Variants in CAMKK1 observed in about 807,000 individuals in gnomAD.
The protein encoded by CAMKK1 is calcium/calmodulin dependent protein kinase kinase 1.
CAMKK1 carries 20 observed loss-of-function variants against 63.5 expected under a neutral mutation model. That is an observed-to-expected ratio of 0.32 (90% CI 0.22 to 0.46). CAMKK1 has a LOEUF of 0.46. Among genes scored for constraint, CAMKK1 ranks in the 20% least tolerant of loss-of-function variants. The pLI is 1.00. For missense variants in CAMKK1, 588 were observed against 658.1 expected, an observed-to-expected ratio of 0.89 and a Z score of 1.17; for synonymous variants, 253 against 269.0, an observed-to-expected ratio of 0.94 and a Z score of 0.58.
At chr17:3,871,311 CTTTT>C (rs1169721208) in intron 12 of CAMKK1, among the ~76,000 whole-genome samples, 5 of 95,498 alleles carry the variant, frequency 5.2e-5, no homozygotes, top group Non-Finnish European at 1.2e-4. Context: ...GTTTCATTTT[CTTTT>C]TTTGTTTGTT....
rs940893230 is a variant in CAMKK1, at chr17:3,890,482, C to T, written c.-44+2457G>A. 6.6e-6 allele frequency among the ~76,000 whole-genome samples: 1 copy of T among 152,182 alleles called. No homozygotes were observed. The highest frequency in any genetic ancestry group is 2.4e-5 in the African/African-American group (1 of 41,442). ...CTCTTTCCAGCTAGCTGCCACCTCC[C>T]CGTCCATGTTCCCGAGCAGCTCAGA... On this transcript the variant is annotated intron_variant, in intron 1 of 15. Coordinates refer to ENST00000348335, the MANE Select transcript of CAMKK1 (RefSeq NM_032294.3). This position sits in a 1 kb window ranked among gnomAD's most constrained non-coding sequence, Gnocchi z 6.5.
intron 1 of CAMKK1, among the ~76,000 whole-genome samples, chr17:3,886,903 C>T (rs1221625329): frequency 6.6e-6 from 1 of 152,130 alleles, no homozygotes; most frequent in African/African-American, 2.4e-5. Context: ...CTGGACTCTG[C>T]ATGTTCTCAG....
At position 3,862,874 on chromosome 17, in the gene CAMKK1, C is replaced by T. The variant is rs218706; in HGVS notation, c.1446-591G>A. On this transcript the variant is annotated intron_variant, in intron 15 of 15. Transcript: ENST00000348335. This position sits in a 1 kb window ranked among gnomAD's most constrained non-coding sequence, Gnocchi z 4.1. ...CTGGTCTCAAACTCCTGGGCTCAAG[C>T]GATCCATCCACCTCAGCCTCCTAAA... Among the ~76,000 whole-genome samples, 43,079 of 152,012 alleles carry T rather than the reference C, an allele frequency of 0.28. 7,137 individuals carry two copies. The highest frequency in any genetic ancestry group is 0.47 in the African/African-American group (19,401 of 41,448).
intron 7 of CAMKK1, 28 bp from the exon 8 acceptor site, chr17:3,881,676 G>GTAGCT: frequency 6.4e-7 from 1 of 1,559,944 alleles, no homozygotes; most frequent in Non-Finnish European, 8.7e-7. Flanking sequence ...AAGGTAAGGT[G>GTAGCT]TAGCTGGCTG....
intron 12 of CAMKK1, among the ~76,000 whole-genome samples, chr17:3,870,681 T>G (rs1480872906): frequency 6.6e-6 from 1 of 152,190 alleles, no homozygotes; most frequent in East Asian, 1.9e-4. Flanking sequence ...CAGGTTTCTT[T>G]GCCACCAGTG....
In CAMKK1 at chr17:3,892,325, C is replaced by T. The variant is rs2143921036; in HGVS notation, c.-44+614G>A. Among the ~76,000 whole-genome samples the T allele has an allele frequency of 1.3e-5, 2 of 152,294 alleles. No homozygotes were observed. The highest frequency in any genetic ancestry group is 1.5e-5 in the Non-Finnish European group (1 of 68,004). ...CTCCCGCGTCCACGTGACACACGCA[C>T]ACCCGCCTCCAAACAGCACACGCAG... On this transcript the variant is annotated intron_variant, in intron 1 of 15. Transcript: ENST00000348335. The surrounding 1 kb of genome is among the most constrained non-coding windows in gnomAD (Gnocchi z 7.5).
chr17:3,871,676 GT>G (rs1221638739), intron 12 of CAMKK1, among the ~76,000 whole-genome samples: 119 of 119,328 alleles, frequency 1.0e-3, no homozygotes, highest in East Asian at 3.9e-3. Context: ...TCTTTCTTCT[GT>G]TTTTTTTTTT....
Position 3,882,614 on chromosome 17 carries a change from T to G in CAMKK1, c.649-50A>C. 6.5e-7 allele frequency: 1 copy of G among 1,544,718 alleles called. No individual in the cohort carries two copies. Among genetic ancestry groups the G allele is most frequent in the Non-Finnish European group, 8.8e-7 (1 of 1,135,906 alleles). ...GGTGGGGCTTGAGGAGGCGTGGGGT[T>G]GGAGGTCCCAGGCCTCCTGGTCCTT... On this transcript the variant is annotated intron_variant, in intron 6 of 15. Transcript: ENST00000348335. The surrounding 1 kb of genome is among the most constrained non-coding windows in gnomAD (Gnocchi z 4.3).
At chr17:3,867,853 G>A (rs1003785174) in intron 14 of CAMKK1, among the ~76,000 whole-genome samples, 3 of 152,212 alleles carry the variant, frequency 2.0e-5, no homozygotes, top group African/African-American at 7.2e-5. Context: ...TGGCCACGGG[G>A]GACTATGTGA....
rs2054315615 is a variant in CAMKK1 at position 3,860,904 on chromosome 17, T to G, written c.*1307A>C. On this transcript the variant is annotated 3_prime_UTR_variant, in exon 16 of 16. Coordinates refer to ENST00000348335, the MANE Select transcript of CAMKK1 (RefSeq NM_032294.3). ...CCTCCTCCAACAGGACACCCACACC[T>G]GTGGCCAAAAGCCCTTGTCCATCCA... The G allele has an allele frequency of 6.6e-6, 1 of 152,242 alleles. No homozygotes were observed. Among genetic ancestry groups the G allele is most frequent in the Admixed American group, 6.5e-5 (1 of 15,288 alleles). The allele number at this position is 152,242 out of a possible 1,614,324, so 9.4% of individuals were successfully genotyped here. A position where few individuals can be genotyped will look rare whatever the true frequency, so the allele number is the denominator to read the frequency against.
At chr17:3,876,743 TGTTTTTTTTTTTG>T (rs1458744915) in intron 9 of CAMKK1, among the ~76,000 whole-genome samples, 20 of 139,588 alleles carry the variant, frequency 1.4e-4, no homozygotes, top group South Asian at 4.5e-4. Flanking sequence ...GAGTTGTTGC[TGTTTTTTTTTTTG>T]GTTTTTTTTT....
rs1431970877 is a variant in CAMKK1 at position 3,879,414 on chromosome 17, C to T, written c.796+932G>A. ...TTCTCAGGCACAAATCCCATCACGCCCCTCCCCATGCTTAAAGCTCTCAGG... is the reference window on the plus strand; with the variant it reads ...TTCTCAGGCACAAATCCCATCACGCTCCTCCCCATGCTTAAAGCTCTCAGG... On this transcript the variant is annotated intron_variant, in intron 9 of 15. Transcript: ENST00000348335. The surrounding 1 kb of genome is among the most constrained non-coding windows in gnomAD (Gnocchi z 4.5). 6.6e-6 allele frequency: 1 copy of T among 152,656 alleles called. No homozygotes were observed. Among genetic ancestry groups the T allele is most frequent in the Non-Finnish European group, 1.5e-5 (1 of 68,284 alleles). 9.5% of individuals were successfully genotyped at this position (152,656 alleles called of 1,614,324 possible).
Position 3,861,830 on chromosome 17 carries a change from T to C in CAMKK1, c.*381A>G. 3.7e-6 allele frequency: 1 copy of C among 267,486 alleles called. No homozygotes were observed. Among genetic ancestry groups the C allele is most frequent in the Non-Finnish European group, 7.4e-6 (1 of 135,402 alleles). 16.6% of individuals were successfully genotyped at this position (267,486 alleles called of 1,614,324 possible). A position where few individuals can be genotyped will look rare whatever the true frequency, so the allele number is the denominator to read the frequency against. Reference sequence around the variant, plus strand: ...TGCCCGGCCCCAGCGGGAGGTCTCTTCCGTTGTGGTAAGCCTGGCCTCCAC... The same window carrying C: ...TGCCCGGCCCCAGCGGGAGGTCTCTCCCGTTGTGGTAAGCCTGGCCTCCAC... On this transcript the variant is annotated 3_prime_UTR_variant, in exon 16 of 16. Transcript: ENST00000348335.
chr17:3,874,285 C>G (rs950599071), intron 10 of CAMKK1, among the ~76,000 whole-genome samples: 1 of 152,174 alleles, frequency 6.6e-6, no homozygotes, highest in Non-Finnish European at 1.5e-5. Context: ...AAGTGGTCCT[C>G]GATTGGATTC....
Position 3,884,526 on chromosome 17 carries a change from T to G in CAMKK1, c.361-99A>C. On this transcript the variant is annotated intron_variant, in intron 2 of 15. Transcript: ENST00000348335. This position sits in a 1 kb window ranked among gnomAD's most constrained non-coding sequence, Gnocchi z 4.5. ...GGGTCCAATTCTGGCCATAAGCTCC[T>G]CATTCCCGGACCCCCAGGTCTCACC... The G allele has an allele frequency of 1.8e-6, 2 of 1,125,182 alleles. No homozygotes were observed. The highest frequency in any genetic ancestry group is 1.3e-6 in the Non-Finnish European group (1 of 781,002). The allele number at this position is 1,125,182 out of a possible 1,614,324, so 69.7% of individuals were successfully genotyped here.
Position 3,880,431 on chromosome 17 carries a change from G to A in CAMKK1, c.711C>T (p.Pro237=), listed in dbSNP as rs150870972. ...YLVFDLLRKG[P]VMEVPCDKPF... is the part of the protein sequence containing the mutation. ...GCTTGTCACAGGGCACTTCCATGAC[G>A]GGCCTATGGAGAAGGATGCGGGGAG... Residue 237 remains proline (P), a synonymous_variant, in exon 9 of 16, where the codon CCC becomes CCT. Transcript: ENST00000348335. 4.6e-5 allele frequency: 74 copies of A among 1,613,146 alleles called. No homozygotes were observed. Among genetic ancestry groups the A allele is most frequent in the Non-Finnish European group, 5.2e-5 (61 of 1,179,656 alleles).
intron 12 of CAMKK1, among the ~76,000 whole-genome samples, chr17:3,871,347 G>GTTTTTTTTTTT (rs869219931): frequency 4.1e-4 from 43 of 104,356 alleles, no homozygotes; most frequent in African/African-American, 7.6e-4. Flanking sequence ...TTTTTTTTTT[G>GTTTTTTTTTTT]TTTTTTTTTT....
At chr17:3,871,202 C>A (rs2054830645) in intron 12 of CAMKK1, among the ~76,000 whole-genome samples, 1 of 151,916 alleles carries the variant, frequency 6.6e-6, no homozygotes, top group East Asian at 1.9e-4. Context: ...GTATAAGTGG[C>A]AACAAGGCCC....
At chr17:3,881,735 G>C (rs575160291) in intron 7 of CAMKK1, 87 bp from the exon 8 acceptor site, 3 of 1,270,862 alleles carry the variant, frequency 2.4e-6, no homozygotes. Flanking sequence ...GGGTAGGAGA[G>C]GGGGCAGGCA....
Sources: gnomAD v4.1 joint callset for allele counts (sites outside exome capture counted in the v4.1 genomes callset) on GRCh38, gnomAD v4.1.1 for gene constraint, Gnocchi (gnomAD v3.1) non-coding constraint, MANE v1.5 for transcripts, NCBI Gene and HGNC (gene_info 2026-07-23, HGNC 2026-07-21) for gene names.